DHX30: variants seen among roughly 807,000 people sequenced by gnomAD.
DHX30 encodes ATP-dependent RNA helicase DHX30.
DHX30 carries 4 observed loss-of-function variants against 116.9 expected under a neutral mutation model. The observed-to-expected ratio is 0.03, with a 90% CI of 0.02 to 0.08. The LOEUF (loss-of-function observed/expected upper bound fraction) is 0.08, where lower values mean the gene tolerates loss of function less well. Among genes scored for constraint, DHX30 ranks in the 10% least tolerant of loss-of-function variants. DHX30 has a pLI of 1.00. For missense variants in DHX30, 871 were observed against 1,595.1 expected, an observed-to-expected ratio of 0.55 and a Z score of 7.73; for synonymous variants, 697 against 651.7, an observed-to-expected ratio of 1.07 and a Z score of -1.06.
chr3:47,840,643 C>CA (rs1373855756), intron 6 of DHX30, among the ~76,000 whole-genome samples: 2 of 151,956 alleles, frequency 1.3e-5, no homozygotes, highest in Non-Finnish European at 2.9e-5. Context: ...GTCAAAAAAA[C>CA]AAAAAACAAA....
chr3:47,810,164 A>T (rs1052870658), intron 2 of DHX30, among the ~76,000 whole-genome samples: 2 of 152,186 alleles, frequency 1.3e-5, no homozygotes, highest in African/African-American at 4.8e-5. Flanking sequence ...ACTAGGTTTT[A>T]TGAAAGCCCA....
At chr3:47,826,734 G>A (rs182034938) in intron 4 of DHX30, among the ~76,000 whole-genome samples, 8 of 152,312 alleles carry the variant, frequency 5.3e-5, no homozygotes, top group Admixed American at 5.2e-4. Flanking sequence ...TTACAGGCGT[G>A]AGCCACCACG....
chr3:47,829,489 GC>G, intron 6 of DHX30, among the ~76,000 whole-genome samples: 1 of 151,278 alleles, frequency 6.6e-6, no homozygotes, highest in East Asian at 1.9e-4. Flanking sequence ...GATTGCAGGT[GC>G]CCACCACCAC....
At chr3:47,837,113 G>A (rs2107086280) in intron 6 of DHX30, among the ~76,000 whole-genome samples, 1 of 152,352 alleles carries the variant, frequency 6.6e-6, no homozygotes, top group Middle Eastern at 3.4e-3. Flanking sequence ...GCTTATTCTT[G>A]AAGAATGGTC....
chr3:47,829,287 GATAT>G (rs1189388149), intron 6 of DHX30, among the ~76,000 whole-genome samples, 153 bp downstream of exon 6: 14 of 35,844 alleles, frequency 3.9e-4, no homozygotes, highest in Admixed American at 8.6e-4. Context: ...CAGCCAATGA[GATAT>G]ATATATATAT....
chr3:47,844,629 T>C (rs2037519608), intron 9 of DHX30, among the ~76,000 whole-genome samples: 2 of 152,196 alleles, frequency 1.3e-5, no homozygotes, highest in Non-Finnish European at 2.9e-5. Context: ...GGTTGGCCCC[T>C]GTTGGGGGAA....
intron 4 of DHX30, among the ~76,000 whole-genome samples, chr3:47,818,969 G>C (rs967374499): frequency 1.3e-5 from 2 of 152,132 alleles, no homozygotes; most frequent in Non-Finnish European, 1.5e-5. Context: ...TGTCTGTAAA[G>C]TGCTTTGAAG....
At chr3:47,836,686 G>T (rs1238646408) in intron 6 of DHX30, among the ~76,000 whole-genome samples, 6 of 151,736 alleles carry the variant, frequency 4.0e-5, no homozygotes, top group Non-Finnish European at 5.9e-5. Flanking sequence ...GCCCAGCTAA[G>T]TTTTGTATTT....
In DHX30 at chr3:47,849,782, A is replaced by G. The variant is rs777529294; in HGVS notation, c.3331+13A>G. 2.5e-6 allele frequency: 4 copies of G among 1,609,716 alleles called. No individual in the cohort carries two copies. Among genetic ancestry groups the G allele is most frequent in the Non-Finnish European group, 2.5e-6 (3 of 1,177,088 alleles). ...GTGCACATCCGTGGTGGGTGCCTGC[A>G]GGCCTCCCGCCCACCCCGCTCTGCA... On this transcript the variant is annotated intron_variant, in intron 21 of 21. Transcript: ENST00000445061.
At chr3:47,808,243 G>A (rs1246334761) in intron 2 of DHX30, among the ~76,000 whole-genome samples, 1 of 150,332 alleles carries the variant, frequency 6.7e-6, no homozygotes, top group African/African-American at 2.4e-5. Flanking sequence ...GAGAGACAGG[G>A]TCTTGCTTTG....
chr3:47,833,091 T>A (rs1407824856), intron 6 of DHX30, among the ~76,000 whole-genome samples: 2 of 152,052 alleles, frequency 1.3e-5, no homozygotes, highest in Non-Finnish European at 2.9e-5. Flanking sequence ...GGCATAATTA[T>A]TTTTTTATTG....
chr3:47,816,525 T>G (rs1223382131), intron 3 of DHX30: 1 of 927,422 alleles, frequency 1.1e-6, no homozygotes, highest in East Asian at 1.2e-4. Context: ...GCCCTGCCAA[T>G]TTTTGTATTT....
rs147733795 is a variant in DHX30 at position 47,831,930 on chromosome 3, CT to C, written c.366+2814del. Among the ~76,000 whole-genome samples the C allele has an allele frequency of 7.7e-4, 98 of 127,470 alleles. 1 individual carries two copies. Among genetic ancestry groups the C allele is most frequent in the African/African-American group, 8.7e-4 (30 of 34,324 alleles). The allele number at this position is 127,470 out of a possible 152,430, so 83.6% of individuals were successfully genotyped here. On this transcript the variant is annotated intron_variant, in intron 6 of 21. Transcript: ENST00000445061. ...TCTCTCTGAAGGCCTTTTCCTTTTT[CT>C]TTTTTTTTTTTTTTTTTATTCCTCT... is the stretch of plus-strand genomic sequence containing the variant.
chr3:47,811,119 C>CTTTT (rs774376185), intron 3 of DHX30, among the ~76,000 whole-genome samples: 1 of 142,132 alleles, frequency 7.0e-6, no homozygotes. Context: ...TCGGCTAATT[C>CTTTT]TTTTTTTTTT....
At chr3:47,849,163 T>C (rs2107163177) in intron 18 of DHX30, 29 bp from the exon 19 acceptor site, 1 of 1,613,552 alleles carries the variant, frequency 6.2e-7, no homozygotes, top group South Asian at 1.1e-5. Flanking sequence ...CTAGGGGCTG[T>C]AGGTCCACCA....
At chr3:47,811,816 C>T (rs2035801413) in intron 3 of DHX30, among the ~76,000 whole-genome samples, 1 of 152,116 alleles carries the variant, frequency 6.6e-6, no homozygotes, top group Admixed American at 6.6e-5. Flanking sequence ...GTAATCCCAG[C>T]ACTTTGGGAG....
intron 4 of DHX30, 133 bp downstream of exon 4, chr3:47,818,250 A>G: frequency 1.5e-6 from 1 of 659,074 alleles, no homozygotes; most frequent in Non-Finnish European, 2.7e-6. Context: ...TAGCAGAGCT[A>G]TTGGAGCCCT....
At chr3:47,832,378 G>A (rs1199428891) in intron 6 of DHX30, among the ~76,000 whole-genome samples, 1 of 152,058 alleles carries the variant, frequency 6.6e-6, no homozygotes, top group African/African-American at 2.4e-5. Flanking sequence ...ATTGAGATGG[G>A]GTCTAGCTAT....
At chr3:47,814,449 GA>G (rs1004882501) in intron 3 of DHX30, among the ~76,000 whole-genome samples, 6 of 118,934 alleles carry the variant, frequency 5.0e-5, no homozygotes, top group Admixed American at 8.5e-5. Flanking sequence ...AAAAAAAAAA[GA>G]AAAAAAAATT....
Sources: allele counts gnomAD v4.1 joint callset (sites outside exome capture counted in the v4.1 genomes callset), GRCh38; gene constraint gnomAD v4.1.1; transcripts MANE v1.5; gene names NCBI Gene and HGNC (gene_info 2026-07-23, HGNC 2026-07-21).